ATP11A: variants seen among roughly 807,000 people sequenced by gnomAD.
ATP11A encodes the protein phospholipid-transporting ATPase IH.
Under a neutral mutation model 154.4 loss-of-function variants are expected in ATP11A, and 81 were observed. The ratio of observed to expected loss-of-function variants is 0.52; its 90% CI spans 0.44 to 0.63. The LOEUF (loss-of-function observed/expected upper bound fraction) is 0.63. Ranked by LOEUF, ATP11A falls within the 30% of genes least tolerant of loss-of-function variation. The probability of loss-of-function intolerance (pLI) is 0.00; values close to 1 mark genes in which losing one functional copy is unlikely to be tolerated. For missense variants in ATP11A, 1,316 were observed against 1,474.3 expected (o/e 0.89, Z 1.76); for synonymous variants, 623 against 585.9 (o/e 1.06, Z -0.91).
chr13:112,811,132 ATTAG>A (rs1380290028), intron 5 of ATP11A, among the ~76,000 whole-genome samples: 1 of 140,036 alleles, frequency 7.1e-6, no homozygotes, highest in East Asian at 2.1e-4. Context: ...TCACAGCAGC[ATTAG>A]GTGGATGTAC....
intron 1 of ATP11A, among the ~76,000 whole-genome samples, chr13:112,744,865 C>G (rs182212381): frequency 6.6e-6 from 1 of 152,292 alleles, no homozygotes; most frequent in Admixed American, 6.5e-5. Flanking sequence ...TCAATTTCTT[C>G]AACTGGGAAA....
intron 21 of ATP11A, 104 bp downstream of exon 21, chr13:112,858,024 C>G: frequency 6.4e-7 from 1 of 1,565,798 alleles, no homozygotes; most frequent in Non-Finnish European, 8.8e-7. Context: ...ACCCCCGTCA[C>G]CACCCTCGTG....
rs2077752879 is a variant in ATP11A at position 112,789,127 on chromosome 13, G to T, written c.162+3870G>T. Among the ~76,000 whole-genome samples, 3 of 150,360 alleles carry T rather than the reference G, an allele frequency of 2.0e-5. No individual in the cohort carries two copies. In the South Asian group the frequency reaches 6.4e-4, roughly 32 times the overall value. On this transcript the variant is annotated intron_variant, in intron 2 of 29. Transcript: ENST00000375645. ...CGGGTGTCCTGATGTATAGACCCTT[G>T]TGGTAGACCTACTTAATTCACACCG...
chr13:112,781,773 C>T (rs1002755792), intron 1 of ATP11A, among the ~76,000 whole-genome samples: 10 of 102,568 alleles, frequency 9.7e-5, no homozygotes, highest in African/African-American at 3.4e-4. Flanking sequence ...AATAAACTTG[C>T]TTTCACTTTG....
At chr13:112,775,606 GA>G (rs1029688833) in intron 1 of ATP11A, among the ~76,000 whole-genome samples, 3 of 152,186 alleles carry the variant, frequency 2.0e-5, no homozygotes, top group Non-Finnish European at 4.4e-5. Context: ...ATTTCTGTAA[GA>G]AAAAAATTGG....
At chr13:112,832,086 C>T (rs1041355793) in intron 13 of ATP11A, among the ~76,000 whole-genome samples, 4 of 152,124 alleles carry the variant, frequency 2.6e-5, no homozygotes, top group African/African-American at 7.2e-5. Flanking sequence ...CACACACGTA[C>T]TCTCACACAC....
Position 112,712,520 on chromosome 13 carries a change from T to C in ATP11A, c.39+22065T>C, listed in dbSNP as rs140427362. Among the ~76,000 whole-genome samples, 172 of 152,206 alleles carry C rather than the reference T, an allele frequency of 1.1e-3. No homozygotes were observed. In the Middle Eastern group the frequency reaches 0.014, roughly 12 times the overall value. On this transcript the variant is annotated intron_variant, in intron 1 of 29. Transcript: ENST00000375645. ...CGTGAGGTGAGGGACAGCAACCCCG[T>C]CCTGTCCTTGTCTAGGCCTCTGAGA... is the stretch of plus-strand genomic sequence containing the variant.
At chr13:112,728,500 C>T (rs1171043765) in intron 1 of ATP11A, among the ~76,000 whole-genome samples, 3 of 150,084 alleles carry the variant, frequency 2.0e-5, no homozygotes, top group Non-Finnish European at 4.4e-5. Flanking sequence ...CTGTATGTAC[C>T]GCGTTATCAG....
At chr13:112,772,547 C>G (rs1369798790) in intron 1 of ATP11A, among the ~76,000 whole-genome samples, 1 of 79,712 alleles carries the variant, frequency 1.3e-5, no homozygotes, top group African/African-American at 3.1e-5. Context: ...AATGAAACCC[C>G]ATGCCCAGTA....
At chr13:112,769,268 G>T (rs74115465) in intron 1 of ATP11A, among the ~76,000 whole-genome samples, 1 of 152,212 alleles carries the variant, frequency 6.6e-6, no homozygotes, top group Admixed American at 6.5e-5. Flanking sequence ...AGGACCTCCC[G>T]GCCCCACGGC....
At chr13:112,825,210 AC>A (rs1566535321) in intron 10 of ATP11A, among the ~76,000 whole-genome samples, 2 of 152,076 alleles carry the variant, frequency 1.3e-5, no homozygotes, top group Admixed American at 1.3e-4. Context: ...GTGGCACTTT[AC>A]CCCGTCTTGG....
chr13:112,703,312 T>A (rs1339219704), intron 1 of ATP11A: 1 of 152,182 alleles, frequency 6.6e-6, no homozygotes, highest in Non-Finnish European at 1.5e-5. Flanking sequence ...CCTGTCTGAT[T>A]AGGACACAGA....
Position 112,716,936 on chromosome 13 carries a change from G to C in ATP11A, c.39+26481G>C, listed in dbSNP as rs1182865684. Among the ~76,000 whole-genome samples the C allele has an allele frequency of 3.3e-5, 5 of 152,168 alleles. No homozygotes were observed. The East Asian group carries it at 7.8e-4, about 24-fold the overall frequency. On this transcript the variant is annotated intron_variant, in intron 1 of 29. Coordinates refer to ENST00000375645, the MANE Select transcript of ATP11A (RefSeq NM_015205.3). Reference sequence around the variant, plus strand: ...GTGGACATCCGGGAGCTGGAGGCCCGTGCACTTTCCCTGGGACGGGCAGAG... The same window carrying C: ...GTGGACATCCGGGAGCTGGAGGCCCCTGCACTTTCCCTGGGACGGGCAGAG...
chr13:112,839,622 G>A (rs1045046275), intron 16 of ATP11A, among the ~76,000 whole-genome samples: 4 of 152,216 alleles, frequency 2.6e-5, no homozygotes, highest in Non-Finnish European at 4.4e-5. Context: ...GATCCTGTGT[G>A]TTCGGTTATG....
intron 1 of ATP11A, among the ~76,000 whole-genome samples, chr13:112,755,806 C>T (rs1326272969): frequency 1.7e-5 from 2 of 116,088 alleles, no homozygotes; most frequent in South Asian, 3.0e-4. Flanking sequence ...CAGAGCGGCT[C>T]CCAGAACCAT....
rs905407119 is a variant in ATP11A at position 112,690,785 on chromosome 13, G to A, written c.39+330G>A. On this transcript the variant is annotated intron_variant, in intron 1 of 29. Transcript: ENST00000375645. The surrounding 1 kb of genome is among the most constrained non-coding windows in gnomAD (Gnocchi z 5.6). Reference sequence around the variant, plus strand: ...GGCTGGCTGGGGTTCGAGCTGTCCCGGCGGACCGGGCGCCCGGAGGGAGCC... The same window carrying A: ...GGCTGGCTGGGGTTCGAGCTGTCCCAGCGGACCGGGCGCCCGGAGGGAGCC... Among the ~76,000 whole-genome samples the A allele has an allele frequency of 4.2e-4, 64 of 152,240 alleles. No homozygotes were observed. The highest frequency in any genetic ancestry group is 8.3e-4 in the South Asian group (4 of 4,832).
At chr13:112,704,260 G>T (rs992106053) in intron 1 of ATP11A, among the ~76,000 whole-genome samples, 3 of 152,164 alleles carry the variant, frequency 2.0e-5, no homozygotes, top group Non-Finnish European at 4.4e-5. Context: ...TTAAGTACTG[G>T]CCCAGTTGTT....
chr13:112,713,678 C>T (rs1434179478), intron 1 of ATP11A, among the ~76,000 whole-genome samples: 2 of 152,116 alleles, frequency 1.3e-5, no homozygotes, highest in South Asian at 2.1e-4. Context: ...ATTTCACTCG[C>T]GGTTTAATTT....
intron 26 of ATP11A, among the ~76,000 whole-genome samples, chr13:112,872,274 A>G (rs1014307236): frequency 6.6e-6 from 1 of 152,244 alleles, no homozygotes; most frequent in Non-Finnish European, 1.5e-5. Flanking sequence ...AACATTCCTA[A>G]GGTGATTTTC....
Sources: allele counts gnomAD v4.1 joint callset (sites outside exome capture counted in the v4.1 genomes callset), GRCh38; gene constraint gnomAD v4.1.1; non-coding constraint Gnocchi (gnomAD v3.1); transcripts MANE v1.5; gene names NCBI Gene and HGNC (gene_info 2026-07-23, HGNC 2026-07-21).